ABCB4: variants seen among roughly 807,000 people sequenced by gnomAD.
The protein encoded by ABCB4 is ATP binding cassette subfamily B member 4, also known as phosphatidylcholine translocator ABCB4.
A neutral mutation model predicts 145.7 loss-of-function variants in ABCB4; 76 were observed. That is an observed-to-expected ratio of 0.52 (90% CI 0.43 to 0.63). The LOEUF (loss-of-function observed/expected upper bound fraction) is 0.63, where lower values mean the gene tolerates loss of function less well. Ranked by LOEUF, ABCB4 falls within the 30% of genes least tolerant of loss-of-function variation. ABCB4 has a pLI of 0.00. For missense variants in ABCB4, 1,234 were observed against 1,553.1 expected (o/e 0.79, Z 3.45); for synonymous variants, 517 against 566.8 (o/e 0.91, Z 1.25).
At chr7:87,427,139 G>A (rs545949340) in intron 15 of ABCB4, among the ~76,000 whole-genome samples, 6 of 151,926 alleles carry the variant, frequency 3.9e-5, no homozygotes, top group South Asian at 4.2e-4. Flanking sequence ...TAAGAAAATC[G>A]GAGTATAAGA....
intron 18 of ABCB4, among the ~76,000 whole-genome samples, chr7:87,421,671 G>C (rs1229851971): frequency 6.6e-6 from 1 of 152,176 alleles, no homozygotes; most frequent in Non-Finnish European, 1.5e-5. Context: ...TACAATTAGA[G>C]AGTTTGACTA....
intron 14 of ABCB4, among the ~76,000 whole-genome samples, chr7:87,435,934 G>A (rs928699955): frequency 1.3e-5 from 2 of 152,162 alleles, no homozygotes; most frequent in Non-Finnish European, 2.9e-5. Flanking sequence ...GCTATTAGAG[G>A]ATAGAAAAGG....
At chr7:87,421,096 C>G (rs1809382987) in intron 18 of ABCB4, among the ~76,000 whole-genome samples, 1 of 152,172 alleles carries the variant, frequency 6.6e-6, no homozygotes, top group Admixed American at 6.5e-5. Flanking sequence ...GGACAATTTC[C>G]TACTTTCTAA....
At chr7:87,370,382 C>T in the ABCB4 span, among the ~76,000 whole-genome samples, 2 of 152,052 alleles carry the variant, frequency 1.3e-5, no homozygotes, top group Admixed American at 6.6e-5. Context: ...GAGGTTTTGC[C>T]GTGTTGGCCA....
At chr7:87,406,585 C>T (rs1808214751) in intron 25 of ABCB4, 91 bp from the exon 26 acceptor site, 1 of 1,386,510 alleles carries the variant, frequency 7.2e-7, no homozygotes, top group Non-Finnish European at 9.9e-7. Context: ...AGGATCGTTG[C>T]ATGAGGGTGT....
At chr7:87,421,671 G>A (rs1229851971) in intron 18 of ABCB4, among the ~76,000 whole-genome samples, 1 of 152,176 alleles carries the variant, frequency 6.6e-6, no homozygotes, top group African/African-American at 2.4e-5. Flanking sequence ...TACAATTAGA[G>A]AGTTTGACTA....
Position 87,462,989 on chromosome 7 carries a change from A to G in ABCB4, c.136-81T>C, listed in dbSNP as rs536485625. 4.1e-5 allele frequency: 54 copies of G among 1,309,116 alleles called. No individual in the cohort carries two copies. In the South Asian group the frequency reaches 7.1e-4, roughly 17 times the overall value. 81.1% of individuals were successfully genotyped at this position (1,309,116 alleles called of 1,614,324 possible). A position where few individuals can be genotyped will look rare whatever the true frequency, so the allele number is the denominator to read the frequency against. ...ATAATTATATATTCTTTGGATTTTT[A>G]TTTAAAGTCAGTACTTTTTTAAGAG... On this transcript the variant is annotated intron_variant, in intron 3 of 27. Coordinates refer to ENST00000649586, the MANE Select transcript of ABCB4 (RefSeq NM_000443.4).
rs45596335 is a variant in ABCB4 at position 87,450,089 on chromosome 7, G to T, written c.712C>A (p.Leu238Ile). Reference protein sequence around the residue: ...GLSAAVWAKILSAFSDKELAA... With the variant: ...GLSAAVWAKIISAFSDKELAA... ...AGTTCTTTGTCACTAAATGCCGAGA[G>T]TATCTGGACAGAAAAGAAACAGTGA... The change falls in exon 8 of 28, where the codon CTC (leucine) becomes ATC (isoleucine). Residue 238 changes from leucine (L) to isoleucine (I), a missense_variant. This residue lies in a region of ABCB4 where 467 missense variants were observed against 632.8 expected (regional missense o/e 0.74). Transcript: ENST00000649586. 5 of 1,614,068 alleles carry T rather than the reference G, an allele frequency of 3.1e-6. No individual in the cohort carries two copies. Among genetic ancestry groups the T allele is most frequent in the Non-Finnish European group, 4.2e-6 (5 of 1,179,980 alleles).
At chr7:87,449,602 TA>T (rs35707384) in intron 8 of ABCB4, among the ~76,000 whole-genome samples, 40,323 of 144,460 alleles carry the variant, frequency 0.28, 6,664 homozygotes, top group African/African-American at 0.48. Flanking sequence ...CTCAGCTTAT[TA>T]AAAAAAAAAA....
At chr7:87,421,040 C>G (rs1809379044) in intron 18 of ABCB4, among the ~76,000 whole-genome samples, 1 of 152,194 alleles carries the variant, frequency 6.6e-6, no homozygotes, top group African/African-American at 2.4e-5. Flanking sequence ...CACCTGCACT[C>G]AGATTGGGGA....
Position 87,453,069 on chromosome 7 carries a change from A to C in ABCB4, c.411T>G (p.Phe137Leu), listed in dbSNP as rs559187706. The C allele has an allele frequency of 6.2e-7, 1 of 1,614,168 alleles. No homozygotes were observed. The highest frequency in any genetic ancestry group is 1.7e-5 in the Admixed American group (1 of 60,002). ...TCTGTCGACCAGCTGCCAAAGTCCA[A>C]AATGAAACTTGTATATAGGCAGCAA... ...VLVAAYIQVSFWTLAAGRQIR... is the reference protein window; with the variant it reads ...VLVAAYIQVSLWTLAAGRQIR... The change falls in exon 6 of 28, where the codon TTT becomes TTG. Residue 137 changes from phenylalanine to leucine, a missense_variant. Around this residue, in one of 7 missense-constraint regions of ABCB4, gnomAD observed 467 missense variants for 632.8 expected, o/e 0.74. Coordinates refer to ENST00000649586, the MANE Select transcript of ABCB4 (RefSeq NM_000443.4).
At chr7:87,368,242 G>A in the ABCB4 span, among the ~76,000 whole-genome samples, 20 of 152,216 alleles carry the variant, frequency 1.3e-4, no homozygotes, top group South Asian at 8.3e-4. Context: ...TCAAATATCC[G>A]CCAGGTTTAT....
intron 4 of ABCB4, among the ~76,000 whole-genome samples, chr7:87,457,649 A>T (rs1188326736): frequency 1.3e-5 from 2 of 152,186 alleles, no homozygotes; most frequent in Non-Finnish European, 2.9e-5. Flanking sequence ...TATGTTCCAG[A>T]CACTTTACAC....
the ABCB4 span, chr7:87,376,026 G>T: frequency 5.4e-5 from 77 of 1,418,454 alleles, no homozygotes; most frequent in Non-Finnish European, 7.0e-5. Context: ...GAACATGGAA[G>T]TTTTTTTTCT....
chr7:87,371,290 AAT>A, the ABCB4 span, among the ~76,000 whole-genome samples: 1 of 152,194 alleles, frequency 6.6e-6, no homozygotes, highest in East Asian at 1.9e-4. Context: ...ACATTTAAAA[AAT>A]AGTGTTATTT....
At chr7:87,382,496 G>A in the ABCB4 span, 36 of 1,613,754 alleles carry the variant, frequency 2.2e-5, no homozygotes, top group African/African-American at 3.1e-4. Context: ...ACCCGGATAC[G>A]TTTATTCAGC....
At position 87,408,133 on chromosome 7, in the gene ABCB4, T is replaced by C. The variant is rs1808344551; in HGVS notation, c.3183A>G (p.Lys1061=). The C allele has an allele frequency of 6.2e-7, 1 of 1,614,250 alleles. No individual in the cohort carries two copies. Among genetic ancestry groups the C allele is most frequent in the Non-Finnish European group, 8.5e-7 (1 of 1,180,040 alleles). The part of the protein sequence containing the change: ...VLQGLSLEVK[K]GQTLALVGSS... Reference sequence around the variant, plus strand: ...TGCCCACCAGGGCTAGTGTCTGGCCTTTCTTCACCTCCAGGCTCAGCCCCT... The same window carrying C: ...TGCCCACCAGGGCTAGTGTCTGGCCCTTCTTCACCTCCAGGCTCAGCCCCT... The change falls in exon 25 of 28, where the codon AAA becomes AAG. Residue 1061 remains lysine (K), a synonymous_variant. Coordinates refer to ENST00000649586, the MANE Select transcript of ABCB4 (RefSeq NM_000443.4).
chr7:87,387,047 G>T, the ABCB4 span, among the ~76,000 whole-genome samples: 2 of 151,908 alleles, frequency 1.3e-5, no homozygotes, highest in African/African-American at 4.8e-5. Flanking sequence ...TGAGGGCGGG[G>T]TGTTGTGGAT....
the ABCB4 span, among the ~76,000 whole-genome samples, chr7:87,386,028 G>A: frequency 6.6e-6 from 1 of 152,104 alleles, no homozygotes; most frequent in Non-Finnish European, 1.5e-5. Context: ...CTTAATCATG[G>A]TGAGTGATCT....
Sources: gnomAD v4.1 joint callset for allele counts (sites outside exome capture counted in the v4.1 genomes callset) on GRCh38, gnomAD v4.1.1 for gene constraint, gnomAD v4.1.1 regional missense constraint, MANE v1.5 for transcripts, NCBI Gene and HGNC (gene_info 2026-07-23, HGNC 2026-07-21) for gene names.